TBC1D5: variants seen among roughly 807,000 people sequenced by gnomAD.
TBC1D5 encodes the protein TBC1 domain family member 5, also known as TBC1 domain family, member 5.
In TBC1D5, 75 loss-of-function variants were observed where a neutral mutation model predicts 100.3. That is an observed-to-expected ratio of 0.75 (90% CI 0.62 to 0.91). The LOEUF (loss-of-function observed/expected upper bound fraction) is 0.91, where lower values mean the gene tolerates loss of function less well. Ranked by LOEUF, TBC1D5 falls within the 40% of genes least tolerant of loss-of-function variation. The probability of loss-of-function intolerance (pLI) is 0.00; values close to 1 mark genes in which losing one functional copy is unlikely to be tolerated. For synonymous variants in TBC1D5, 323 were observed against 325.6 expected (o/e 0.99, Z 0.09); for missense variants, 910 against 942.4 (o/e 0.97, Z 0.45).
In TBC1D5 at chr3:17,623,244, G is replaced by A. The variant is rs78085276; in HGVS notation, c.-36+605C>T. ...TATGGGGTTAGGTCTCAGATTCTGC[G>A]TATCTAGGACGCTCTCAGGTAACAC... On this transcript the variant is annotated intron_variant, in intron 2 of 21. Transcript: ENST00000253692. 8.0e-3 allele frequency among the ~76,000 whole-genome samples: 1,219 copies of A among 152,264 alleles called. 7 individuals carry two copies. The highest frequency in any genetic ancestry group is 0.014 in the Middle Eastern group (4 of 294).
At chr3:17,333,996 T>C (rs2087277979) in intron 13 of TBC1D5, among the ~76,000 whole-genome samples, 1 of 151,900 alleles carries the variant, frequency 6.6e-6, no homozygotes, top group African/African-American at 2.4e-5. Flanking sequence ...TGGAACAAGT[T>C]GGGGAAATGA....
intron 1 of TBC1D5, among the ~76,000 whole-genome samples, chr3:17,664,447 G>A (rs1190790649): frequency 6.6e-6 from 1 of 152,068 alleles, no homozygotes; most frequent in Admixed American, 6.5e-5. Context: ...CGATACCAAA[G>A]GCCATTTTTC....
chr3:17,497,684 G>T (rs2150721706), intron 3 of TBC1D5, among the ~76,000 whole-genome samples: 1 of 152,302 alleles, frequency 6.6e-6, no homozygotes, highest in South Asian at 2.1e-4. Context: ...AACACCAGTG[G>T]TAAGAACTCA....
intron 2 of TBC1D5, among the ~76,000 whole-genome samples, chr3:17,560,849 A>G (rs2096554113): frequency 6.6e-6 from 1 of 151,946 alleles, no homozygotes; most frequent in Admixed American, 6.6e-5. Flanking sequence ...TGAACCCAGG[A>G]GGCAGAGGTT....
At chr3:17,371,489 T>A (rs2092455404) in intron 13 of TBC1D5, among the ~76,000 whole-genome samples, 1 of 152,170 alleles carries the variant, frequency 6.6e-6, no homozygotes, top group Non-Finnish European at 1.5e-5. Flanking sequence ...AGTTATGATT[T>A]CACTGTGAAA....
intron 18 of TBC1D5, among the ~76,000 whole-genome samples, chr3:17,201,696 A>G (rs779802300): frequency 1.3e-5 from 2 of 151,996 alleles, no homozygotes; most frequent in African/African-American, 2.4e-5. Flanking sequence ...TTGGTTTTTA[A>G]AAGTGTGTAG....
chr3:17,503,411 C>T (rs762392029), intron 3 of TBC1D5, among the ~76,000 whole-genome samples: 2 of 149,454 alleles, frequency 1.3e-5, no homozygotes, highest in African/African-American at 5.1e-5. Context: ...GTTTATTGAT[C>T]ATTTACTTCT....
rs547935369 is a variant in TBC1D5 at position 17,324,961 on chromosome 3, G to A, written c.996-16827C>T. On this transcript the variant is annotated intron_variant, in intron 13 of 21. Transcript: ENST00000253692. ...AAACCAAATCCTAGTGGTGACCAAG[G>A]ATACAAAGTAATTGAAACTCTCATA... 2.6e-5 allele frequency among the ~76,000 whole-genome samples: 4 copies of A among 152,222 alleles called. No individual in the cohort carries two copies. In the East Asian group the frequency reaches 7.7e-4, roughly 29 times the overall value.
chr3:17,557,290 C>A (rs907586751), intron 2 of TBC1D5, among the ~76,000 whole-genome samples: 1 of 152,046 alleles, frequency 6.6e-6, no homozygotes, highest in Admixed American at 6.6e-5. Context: ...AGAAAAAAAA[C>A]CAAGAGGGAT....
rs1186523023 is a variant in TBC1D5, at chr3:17,637,188, ATTTTTTTTTTTTTT to A, written c.-100-13289_-100-13276del. On this transcript the variant is annotated intron_variant, in intron 1 of 21. Coordinates refer to ENST00000253692, the Ensembl canonical transcript of TBC1D5. ...GGGTGTGTGCCACCATGCCCGACTA[ATTTTTTTTTTTTTT>A]TTTTTTTTTTTTTTTTTATTTAGTA... 3.5e-4 allele frequency among the ~76,000 whole-genome samples: 33 copies of A among 95,482 alleles called. No individual in the cohort carries two copies. The East Asian group carries it at 9.7e-3, about 28-fold the overall frequency. 62.6% of individuals were successfully genotyped at this position (95,482 alleles called of 152,430 possible).
exon 17 of TBC1D5, chr3:17,238,163 C>T (rs2076021523): frequency 1.2e-6 from 2 of 1,609,964 alleles, no homozygotes; most frequent in Admixed American, 1.7e-5. Context: ...TTTTTCCTAC[C>T]TTTGTTCAAT....
chr3:17,334,726 A>C (rs1271595774), intron 13 of TBC1D5, among the ~76,000 whole-genome samples: 1 of 152,188 alleles, frequency 6.6e-6, no homozygotes, highest in African/African-American at 2.4e-5. Context: ...AGACCTAGTT[A>C]AATCTAAATA....
Position 17,356,808 on chromosome 3 carries a change from A to C in TBC1D5, c.995+15267T>G, listed in dbSNP as rs1487967767. ...CACACCCTGGGGTTCTGAAATGCAG[A>C]TCCTGGGTGTGGTGAGCTAGTCTCC... On this transcript the variant is annotated intron_variant, in intron 13 of 21. Coordinates refer to ENST00000253692, the Ensembl canonical transcript of TBC1D5. 2.0e-5 allele frequency among the ~76,000 whole-genome samples: 3 copies of C among 152,260 alleles called. No homozygotes were observed. In the East Asian group the frequency reaches 5.8e-4, roughly 29 times the overall value.
At chr3:17,220,411 G>A (rs1024923800) in intron 17 of TBC1D5, among the ~76,000 whole-genome samples, 1 of 152,078 alleles carries the variant, frequency 6.6e-6, no homozygotes, top group East Asian at 1.9e-4. Flanking sequence ...GAGAGGCTGA[G>A]TATCTTTTAA....
At chr3:17,631,019 G>A (rs1353668977) in intron 1 of TBC1D5, among the ~76,000 whole-genome samples, 1 of 143,956 alleles carries the variant, frequency 6.9e-6, no homozygotes, top group African/African-American at 2.6e-5. Context: ...ACTCTAGCCT[G>A]GACGACTGAG....
rs182077519 is a variant in TBC1D5 at position 17,383,806 on chromosome 3, T to G, written c.612+107A>C. On this transcript the variant is annotated intron_variant, in intron 9 of 21. Transcript: ENST00000253692. ...CAACTCTCTGATTGCTTTAGCATTA[T>G]GATACAACTTTGGATACAATAAAGG... 593 of 809,500 alleles carry G rather than the reference T, an allele frequency of 7.3e-4. No homozygotes were observed. In the Middle Eastern group the frequency reaches 9.0e-3, roughly 12 times the overall value. The allele number at this position is 809,500 out of a possible 1,614,324, so 50.1% of individuals were successfully genotyped here. A position where few individuals can be genotyped will look rare whatever the true frequency, so the allele number is the denominator to read the frequency against.
intron 1 of TBC1D5, among the ~76,000 whole-genome samples, chr3:17,679,001 C>G (rs563067009): frequency 2.7e-5 from 4 of 150,512 alleles, no homozygotes; most frequent in Non-Finnish European, 5.9e-5. Flanking sequence ...ATATCCAAAC[C>G]ATTAATCAAG....
At chr3:17,433,017 C>T (rs2094470634) in intron 3 of TBC1D5, among the ~76,000 whole-genome samples, 1 of 123,186 alleles carries the variant, frequency 8.1e-6, no homozygotes, top group Non-Finnish European at 1.7e-5. Flanking sequence ...GTGGTGTTTA[C>T]ACTTGCCCTT....
intron 15 of TBC1D5, among the ~76,000 whole-genome samples, chr3:17,259,506 C>T (rs890284620): frequency 2.0e-5 from 3 of 151,890 alleles, no homozygotes; most frequent in Non-Finnish European, 2.9e-5. Flanking sequence ...TTTTTAAAAC[C>T]TTATAAATAA....
Sources: allele counts gnomAD v4.1 joint callset (sites outside exome capture counted in the v4.1 genomes callset), GRCh38; gene constraint gnomAD v4.1.1; transcripts MANE v1.5; gene names NCBI Gene and HGNC (gene_info 2026-07-23, HGNC 2026-07-21).